NLGN4X: variants seen among roughly 807,000 people sequenced by gnomAD.
NLGN4X encodes neuroligin 4 X-linked, also known as neuroligin-4, X-linked.
NLGN4X carries 3 observed loss-of-function variants against 40.3 expected under a neutral mutation model. The observed-to-expected ratio is 0.07, with a 90% CI of 0.03 to 0.19. The LOEUF is 0.19. Among genes scored for constraint, NLGN4X ranks in the 10% least tolerant of loss-of-function variants. The pLI is 1.00. For missense variants in NLGN4X, 382 were observed against 708.3 expected (o/e 0.54, Z 5.23); for synonymous variants, 270 against 306.8 (o/e 0.88, Z 1.25).
intron 3 of NLGN4X, among the ~76,000 whole-genome samples, chrX:5,997,604 A>G (rs1193471572): frequency 0.011 from 163 of 14,237 alleles, no homozygotes; most frequent in African/African-American, 0.045. Flanking sequence ...ATATACACAT[A>G]TATATATACA....
intron 3 of NLGN4X, among the ~76,000 whole-genome samples, chrX:5,953,267 T>A (rs1008884226): frequency 9.0e-6 from 1 of 110,612 alleles, no homozygotes; most frequent in Non-Finnish European, 1.9e-5. Context: ...CCTCAGCTAC[T>A]CAGGAGGCTG....
chrX:6,117,785 C>A (rs2039335595), intron 2 of NLGN4X, among the ~76,000 whole-genome samples: 1 of 110,390 alleles, frequency 9.1e-6, no homozygotes, highest in African/African-American at 3.4e-5. Flanking sequence ...TTTGGACAAT[C>A]GCATATGAGT....
intron 2 of NLGN4X, among the ~76,000 whole-genome samples, chrX:6,041,123 T>C (rs747592288): frequency 9.0e-6 from 1 of 111,179 alleles, no homozygotes; most frequent in East Asian, 2.8e-4. Context: ...CAAGCTTCCA[T>C]GAAGAGTCTA....
chrX:5,970,600 GA>G (rs1464267288), intron 3 of NLGN4X, among the ~76,000 whole-genome samples: 62 of 111,601 alleles, frequency 5.6e-4, no homozygotes, highest in Non-Finnish European at 1.9e-4. Context: ...CCTACCTCAA[GA>G]AATTCATTCT....
intron 3 of NLGN4X, among the ~76,000 whole-genome samples, chrX:6,012,157 C>T (rs1480581900): frequency 8.9e-6 from 1 of 112,223 alleles, no homozygotes; most frequent in African/African-American, 3.2e-5. Flanking sequence ...AAAGAATATC[C>T]AAGGTAAAAG....
chrX:5,962,795 T>C (rs1017508820), intron 3 of NLGN4X, among the ~76,000 whole-genome samples: 12 of 112,172 alleles, frequency 1.1e-4, no homozygotes, highest in African/African-American at 2.6e-4. Context: ...CCTTTTTCCA[T>C]GTGAGGACAC....
At chrX:5,954,893 C>T (rs965142735) in intron 3 of NLGN4X, among the ~76,000 whole-genome samples, 21 of 111,198 alleles carry the variant, frequency 1.9e-4, no homozygotes, top group Admixed American at 8.7e-4. Context: ...ACTAGTATCT[C>T]TGAATTTCTG....
chrX:6,148,833 T>C (rs778180431), intron 2 of NLGN4X, among the ~76,000 whole-genome samples: 3 of 111,798 alleles, frequency 2.7e-5, no homozygotes, highest in Admixed American at 9.5e-5. Context: ...TCTTCGTTGA[T>C]AGAGTTAAGA....
intron 3 of NLGN4X, among the ~76,000 whole-genome samples, chrX:6,023,828 A>T (rs769757189): frequency 3.6e-5 from 4 of 112,248 alleles, no homozygotes; most frequent in Non-Finnish European, 5.6e-5. Context: ...ACGGAAATAC[A>T]TATTTAAATG....
rs376233872 is a variant in NLGN4X, at chrX:5,903,917, T to A, written c.812-51A>T. On this transcript the variant is annotated intron_variant, in intron 4 of 5. Coordinates refer to ENST00000381095, the MANE Select transcript of NLGN4X (RefSeq NM_181332.3). ...CAAATGAAAACCCACAGGACAGAAA[T>A]GCAGCTTTTACTGAGCAATGAAGGC... is the stretch of plus-strand genomic sequence containing the variant. 2.5e-5 allele frequency: 30 copies of A among 1,188,743 alleles called. No individual in the cohort carries two copies. The East Asian group carries it at 3.0e-4, about 12-fold the overall frequency.
At chrX:5,908,951 A>C in intron 4 of NLGN4X, 103 bp downstream of exon 4, 1 of 915,235 alleles carries the variant, frequency 1.1e-6, no homozygotes, top group East Asian at 3.2e-5. Flanking sequence ...CTGTTGCCAG[A>C]GTGACTTCTG....
In NLGN4X at chrX:5,922,457, G is replaced by A. The variant is rs139846995; in HGVS notation, c.626-13218C>T. ...GTATTGGAACATCAGTATGCACCCC[G>A]TAAATATGTACAATTATTACTTGTC... On this transcript the variant is annotated intron_variant, in intron 3 of 5. Coordinates refer to ENST00000381095, the MANE Select transcript of NLGN4X (RefSeq NM_181332.3). Among the ~76,000 whole-genome samples, 131 of 111,902 alleles carry A rather than the reference G, an allele frequency of 1.2e-3. 1 individual carries two copies. Among genetic ancestry groups the A allele is most frequent in the Middle Eastern group, 4.6e-3 (1 of 218 alleles).
intron 2 of NLGN4X, among the ~76,000 whole-genome samples, chrX:6,033,734 A>C (rs1469911093): frequency 9.3e-6 from 1 of 107,242 alleles, no homozygotes; most frequent in East Asian, 2.9e-4. Context: ...ATAGCAAAAA[A>C]CTAGCTTATG....
chrX:5,962,092 T>C (rs747838525), intron 3 of NLGN4X, among the ~76,000 whole-genome samples: 28 of 112,403 alleles, frequency 2.5e-4, no homozygotes, highest in Middle Eastern at 9.2e-3. Context: ...TGTTGAGTTC[T>C]AAGAGAAGGC....
intron 1 of NLGN4X, among the ~76,000 whole-genome samples, chrX:6,222,870 C>A (rs1048673981): frequency 3.6e-5 from 4 of 112,003 alleles, no homozygotes; most frequent in Non-Finnish European, 7.5e-5. Flanking sequence ...GGTTCTCATT[C>A]CTCTCCTTCC....
At chrX:6,117,513 G>A (rs758315520) in intron 2 of NLGN4X, among the ~76,000 whole-genome samples, 2 of 111,596 alleles carry the variant, frequency 1.8e-5, no homozygotes, top group South Asian at 7.6e-4. Flanking sequence ...TCCCAGCAGT[G>A]AGAGAAAAAC....
At chrX:6,176,081 G>A (rs1314555102) in intron 1 of NLGN4X, among the ~76,000 whole-genome samples, 2 of 111,600 alleles carry the variant, frequency 1.8e-5, no homozygotes, top group African/African-American at 6.5e-5. Flanking sequence ...GGAAGCCACA[G>A]TGCAGAGAAC....
rs369086128 is a variant in NLGN4X, at chrX:5,891,972, A to G, written c.*845T>C. On this transcript the variant is annotated 3_prime_UTR_variant, in exon 6 of 6. Coordinates refer to ENST00000381095, the MANE Select transcript of NLGN4X (RefSeq NM_181332.3). ...AGAAAATCCCATGTCTTTGTTTACCACAAGTAATTAAGAAGAAAAGCCTCT... is the reference window on the plus strand; with the variant it reads ...AGAAAATCCCATGTCTTTGTTTACCGCAAGTAATTAAGAAGAAAAGCCTCT... 2.7e-5 allele frequency: 4 copies of G among 147,833 alleles called. No individual in the cohort carries two copies. Among genetic ancestry groups the G allele is most frequent in the East Asian group, 4.7e-4 (2 of 4,300 alleles). 12.2% of individuals were successfully genotyped at this position (147,833 alleles called of 1,213,427 possible).
intron 2 of NLGN4X, among the ~76,000 whole-genome samples, chrX:6,073,175 T>C (rs1345088381): frequency 8.9e-6 from 1 of 111,775 alleles, no homozygotes; most frequent in Non-Finnish European, 1.9e-5. Context: ...CTCCTGGGAA[T>C]CCCTATGGTA....
Sources: allele counts gnomAD v4.1 joint callset (sites outside exome capture counted in the v4.1 genomes callset), GRCh38; gene constraint gnomAD v4.1.1; transcripts MANE v1.5; gene names NCBI Gene and HGNC (gene_info 2026-07-23, HGNC 2026-07-21).